The following ARID1B variants were observed in gnomAD, a reference collection of about 807,000 sequenced individuals.
ARID1B encodes AT-rich interactive domain-containing protein 1B.
In ARID1B, 30 loss-of-function variants were observed where a neutral mutation model predicts 212.3. The observed-to-expected ratio is 0.14, with a 90% CI of 0.11 to 0.19. The LOEUF (loss-of-function observed/expected upper bound fraction) is 0.19, where lower values mean the gene tolerates loss of function less well. Ranked by LOEUF, ARID1B falls within the 10% of genes least tolerant of loss-of-function variation. The pLI is 1.00. For synonymous variants in ARID1B, 1,402 were observed against 1,301.7 expected (o/e 1.08, Z -1.66); for missense variants, 2,891 against 3,204.0 (o/e 0.90, Z 2.36).
chr6:157,171,880 C>G (rs1018822420), intron 9 of ARID1B, among the ~76,000 whole-genome samples: 8 of 152,220 alleles, frequency 5.3e-5, no homozygotes, highest in Non-Finnish European at 4.4e-5. Context: ...TTTGTGTACG[C>G]TAGCACATTT....
chr6:157,207,759 C>A lies in ARID1B; in HGVS notation c.6987C>A (p.Ala2329=), dbSNP rs1202268141. The change falls in exon 20 of 20, where the codon GCC becomes GCA. Residue 2329 remains alanine, a synonymous_variant. Transcript: ENST00000636930. The surrounding 1 kb of genome is among the most constrained non-coding windows in gnomAD (Gnocchi z 8.5). ...CRAAKALLAM[A]RVDENRSEFL... ...CGGCCAAGGCTTTGCTAGCCATGGCCAGAGTGGACGAAAACCGCTCGGAAT... is the reference window on the plus strand; with the variant it reads ...CGGCCAAGGCTTTGCTAGCCATGGCAAGAGTGGACGAAAACCGCTCGGAAT... 1 of 1,579,684 alleles carries A rather than the reference C, an allele frequency of 6.3e-7. No homozygotes were observed. Among genetic ancestry groups the A allele is most frequent in the East Asian group, 2.3e-5 (1 of 44,168 alleles).
At chr6:157,192,383 T>C (rs923104845) in intron 15 of ARID1B, among the ~76,000 whole-genome samples, 1 of 152,180 alleles carries the variant, frequency 6.6e-6, no homozygotes, top group African/African-American at 2.4e-5. Flanking sequence ...GAATTTCTTA[T>C]TACAAAAATA....
chr6:157,077,039 C>T (rs1784355446), intron 4 of ARID1B, among the ~76,000 whole-genome samples: 1 of 152,076 alleles, frequency 6.6e-6, no homozygotes, highest in East Asian at 1.9e-4. Context: ...TCTTTCAACT[C>T]ATGTTTTTCA....
At chr6:156,966,386 C>CTTTTCTTTTTTCTTTTCTTTTTTTT (rs1794748843) in intron 4 of ARID1B, among the ~76,000 whole-genome samples, 3 of 38,914 alleles carry the variant, frequency 7.7e-5, no homozygotes, top group African/African-American at 1.6e-4. Context: ...CTTTTCTTTT[C>CTTTTCTTTTTTCTTTTCTTTTTTTT]TTTTTTTTTT....
chr6:157,018,212 C>CTTTTGTTTTTTTTTTT (rs1780023244), intron 4 of ARID1B, among the ~76,000 whole-genome samples: 1 of 72,432 alleles, frequency 1.4e-5, no homozygotes, highest in African/African-American at 6.5e-5. Context: ...AAGTAGTATG[C>CTTTTGTTTTTTTTTTT]TTTTTTTTTT....
Position 157,184,386 on chromosome 6 carries a change from C to G in ARID1B, c.3870C>G (p.Phe1290Leu), listed in dbSNP as rs2128325748. 1 of 1,614,144 alleles carries G rather than the reference C, an allele frequency of 6.2e-7. No homozygotes were observed. Among genetic ancestry groups the G allele is most frequent in the Non-Finnish European group, 8.5e-7 (1 of 1,180,034 alleles). ...ERGEEPPPEV[F>L]STGDTKKQPK... The stretch of plus-strand genomic sequence containing the variant: ...GGGAGGAGCCCCCGCCGGAAGTCTT[C>G]AGCACCGGGGACACCAAAAAGCAGC... Residue 1290 changes from phenylalanine (F) to leucine (L), a missense_variant, in exon 13 of 20, where the codon TTC (phenylalanine) becomes TTG (leucine). Phe to Leu is a conservative substitution (Grantham distance 22, BLOSUM62 0). Coordinates refer to ENST00000636930, the MANE Select transcript of ARID1B (RefSeq NM_001374828.1).
rs139334490 is a variant in ARID1B at position 157,135,123 on chromosome 6, G to C, written c.2761+1916G>C. Among the ~76,000 whole-genome samples, 15 of 150,560 alleles carry C rather than the reference G, an allele frequency of 1.0e-4. No individual in the cohort carries two copies. The East Asian group carries it at 2.3e-3, about 23-fold the overall frequency. ...TTTTTTACTAAATCCCTGTTTTTCA[G>C]TATCATTGAATGTGAAGACTCTTAA... On this transcript the variant is annotated intron_variant, in intron 7 of 19. Transcript: ENST00000636930.
At chr6:156,882,226 A>G (rs1371746959) in intron 2 of ARID1B, among the ~76,000 whole-genome samples, 1 of 152,102 alleles carries the variant, frequency 6.6e-6, no homozygotes, top group Admixed American at 6.6e-5. Context: ...CCGGTGGAGC[A>G]GCAATTCCCA....
intron 2 of ARID1B, among the ~76,000 whole-genome samples, chr6:156,895,000 G>A (rs1788268204): frequency 6.6e-6 from 1 of 152,180 alleles, no homozygotes. Flanking sequence ...GCAAGGGCCT[G>A]TCCTGTGCAG....
chr6:157,060,096 A>G (rs1783243838), intron 4 of ARID1B, among the ~76,000 whole-genome samples: 1 of 152,198 alleles, frequency 6.6e-6, no homozygotes, highest in Non-Finnish European at 1.5e-5. Context: ...TTGGAAAAGA[A>G]TGTAATTAGT....
At chr6:157,110,156 C>G (rs1786799380) in intron 5 of ARID1B, among the ~76,000 whole-genome samples, 1 of 152,158 alleles carries the variant, frequency 6.6e-6, no homozygotes, top group Non-Finnish European at 1.5e-5. Flanking sequence ...TTTGGCCCAG[C>G]TCTCCTACGT....
chr6:156,840,502 G>T (rs1391455517), intron 2 of ARID1B, among the ~76,000 whole-genome samples: 5 of 152,202 alleles, frequency 3.3e-5, no homozygotes, highest in African/African-American at 1.2e-4. Flanking sequence ...TGAAGAAGTT[G>T]CCGAATCCTA....
Position 156,841,316 on chromosome 6 carries a change from A to T in ARID1B, c.1986+11895A>T, listed in dbSNP as rs568197810. ...GTAGCCCATTTCCAAAGCAGAGGTCATGGCTACGGCTGGAATGAGAGTTGC... is the reference window on the plus strand; with the variant it reads ...GTAGCCCATTTCCAAAGCAGAGGTCTTGGCTACGGCTGGAATGAGAGTTGC... On this transcript the variant is annotated intron_variant, in intron 2 of 19. Transcript: ENST00000636930. 9.8e-5 allele frequency among the ~76,000 whole-genome samples: 15 copies of T among 152,330 alleles called. 1 individual carries two copies. Among genetic ancestry groups the T allele is most frequent in the African/African-American group, 3.6e-4 (15 of 41,574 alleles).
chr6:157,106,030 A>G (rs1786453919), intron 5 of ARID1B, among the ~76,000 whole-genome samples: 1 of 152,160 alleles, frequency 6.6e-6, no homozygotes, highest in Non-Finnish European at 1.5e-5. Flanking sequence ...GGAATTGTGT[A>G]ACCTTTAGAC....
chr6:157,126,319 C>T (rs1480273845), intron 6 of ARID1B, among the ~76,000 whole-genome samples: 1 of 152,126 alleles, frequency 6.6e-6, no homozygotes, highest in Non-Finnish European at 1.5e-5. Flanking sequence ...TGTGGACCCA[C>T]ACAGCGAATG....
intron 4 of ARID1B, among the ~76,000 whole-genome samples, chr6:156,961,290 G>A (rs956047966): frequency 2.0e-5 from 3 of 152,224 alleles, no homozygotes; most frequent in South Asian, 2.1e-4. Flanking sequence ...ACAGGCCTCC[G>A]TGCAGACTGT....
At chr6:157,154,898 CTTTTT>C (rs758540010) in intron 8 of ARID1B, among the ~76,000 whole-genome samples, 3 of 150,060 alleles carry the variant, frequency 2.0e-5, no homozygotes, top group Admixed American at 6.6e-5. Context: ...CTTCTTTCTA[CTTTTT>C]TGTTTTGTTT....
intron 4 of ARID1B, among the ~76,000 whole-genome samples, chr6:157,031,137 A>G (rs1311543487): frequency 1.3e-5 from 2 of 152,204 alleles, no homozygotes; most frequent in African/African-American, 4.8e-5. Context: ...AATAAAGAAA[A>G]ACACGGAACA....
chr6:157,172,020 T>TTTCTCTG (rs1791748551), intron 9 of ARID1B, among the ~76,000 whole-genome samples: 2 of 152,236 alleles, frequency 1.3e-5, no homozygotes, highest in African/African-American at 2.4e-5. Flanking sequence ...CATGTGCCCA[T>TTTCTCTG]GACTTTACCA....
Sources: allele counts gnomAD v4.1 joint callset (sites outside exome capture counted in the v4.1 genomes callset), GRCh38; gene constraint gnomAD v4.1.1; non-coding constraint Gnocchi (gnomAD v3.1); transcripts MANE v1.5; gene names NCBI Gene and HGNC (gene_info 2026-07-23, HGNC 2026-07-21).